The following MAML3 variants were observed in gnomAD, a reference collection of about 807,000 sequenced individuals.
The protein encoded by MAML3 is mastermind-like protein 3.
A neutral mutation model predicts 101.9 loss-of-function variants in MAML3; 27 were observed. The ratio of observed to expected loss-of-function variants is 0.27; its 90% CI spans 0.20 to 0.37. The LOEUF (loss-of-function observed/expected upper bound fraction) is 0.37. Among genes scored for constraint, MAML3 ranks in the 10% least tolerant of loss-of-function variants. MAML3 has a pLI of 1.00. For missense variants in MAML3, 1,316 were observed against 1,444.9 expected, an observed-to-expected ratio of 0.91 and a Z score of 1.45; for synonymous variants, 501 against 555.9, an observed-to-expected ratio of 0.90 and a Z score of 1.39.
intron 2 of MAML3, among the ~76,000 whole-genome samples, chr4:139,888,235 A>C (rs1273679268): frequency 6.6e-6 from 1 of 152,216 alleles, no homozygotes; most frequent in Non-Finnish European, 1.5e-5. Flanking sequence ...GTGAGGCAAG[A>C]TCTGCCTGCG....
intron 1 of MAML3, among the ~76,000 whole-genome samples, chr4:140,053,251 C>T (rs771944279): frequency 2.2e-4 from 33 of 152,118 alleles, no homozygotes; most frequent in Non-Finnish European, 4.1e-4. Flanking sequence ...TTCATGTCTT[C>T]ATGGCAGCAG....
intron 1 of MAML3, among the ~76,000 whole-genome samples, chr4:140,123,968 C>G (rs1028226161): frequency 6.6e-6 from 1 of 152,174 alleles, no homozygotes; most frequent in Non-Finnish European, 1.5e-5. Flanking sequence ...CAATGAACCC[C>G]AAAGCGACTA....
Position 140,092,815 on chromosome 4 carries a change from C to T in MAML3, c.468+60045G>A, listed in dbSNP as rs79080014. ...CAGCTCCAGAAGGGACCCAAAACTA[C>T]CTGACCACACTCCAGTTTTGTGCTG... is the stretch of plus-strand genomic sequence containing the variant. On this transcript the variant is annotated intron_variant, in intron 1 of 4. Coordinates refer to ENST00000509479, the MANE Select transcript of MAML3 (RefSeq NM_018717.5). Among the ~76,000 whole-genome samples the T allele has an allele frequency of 3.7e-3, 568 of 152,162 alleles. 4 individuals are homozygous for T. The highest frequency in any genetic ancestry group is 5.8e-3 in the Non-Finnish European group (395 of 68,016).
intron 2 of MAML3, among the ~76,000 whole-genome samples, chr4:139,758,912 G>C (rs1022872291): frequency 2.0e-5 from 3 of 152,288 alleles, no homozygotes; most frequent in African/African-American, 7.2e-5. Context: ...AGCTGGAAGG[G>C]ACCTCTGGGC....
intron 1 of MAML3, among the ~76,000 whole-genome samples, chr4:140,030,778 C>T (rs946105008): frequency 3.3e-5 from 5 of 152,300 alleles, no homozygotes; most frequent in South Asian, 2.1e-4. Context: ...GGCTACCTCC[C>T]GCCACTGGGC....
At chr4:139,835,616 T>C (rs536029448) in intron 2 of MAML3, among the ~76,000 whole-genome samples, 61 of 152,212 alleles carry the variant, frequency 4.0e-4, no homozygotes, top group African/African-American at 1.3e-3. Context: ...TAATTTGACT[T>C]CTCCAATTTA....
intron 1 of MAML3, among the ~76,000 whole-genome samples, chr4:140,083,098 G>A (rs1037036369): frequency 6.6e-6 from 1 of 152,184 alleles, no homozygotes; most frequent in African/African-American, 2.4e-5. Context: ...GGAGGGAAAA[G>A]GATAGAAATT....
intron 1 of MAML3, among the ~76,000 whole-genome samples, chr4:140,119,962 G>C (rs1411400293): frequency 2.0e-5 from 3 of 152,068 alleles, no homozygotes; most frequent in Admixed American, 2.0e-4. Context: ...CAAAGGCCGG[G>C]CGCGGTGGCT....
chr4:139,720,082 G>T lies in MAML3; in HGVS notation c.2658C>A (p.Asn886Lys), dbSNP rs1028379465. 12 of 1,614,088 alleles carry T rather than the reference G, an allele frequency of 7.4e-6. No individual in the cohort carries two copies. The highest frequency in any genetic ancestry group is 1.0e-5 in the Non-Finnish European group (12 of 1,179,916). The change falls in exon 5 of 5, where the codon AAC becomes AAA. Residue 886 changes from asparagine to lysine, a missense_variant. Asn to Lys is a moderately conservative substitution (Grantham distance 94). Transcript: ENST00000509479. ...TATGTGTGATGCTCATGCCACTTTGGTTTGGATGCTGCAACATTTGGGTCA... is the reference window on the plus strand; with the variant it reads ...TATGTGTGATGCTCATGCCACTTTGTTTTGGATGCTGCAACATTTGGGTCA... ...TGMTQMLQHP[N>K]QSGMSITHNQ...
At chr4:139,845,417 G>A (rs1202539115) in intron 2 of MAML3, among the ~76,000 whole-genome samples, 3 of 152,188 alleles carry the variant, frequency 2.0e-5, no homozygotes, top group African/African-American at 7.2e-5. Context: ...AGACACATAG[G>A]TAGAAATTGA....
chr4:139,762,198 G>A (rs1729772098), intron 2 of MAML3, among the ~76,000 whole-genome samples: 1 of 152,156 alleles, frequency 6.6e-6, no homozygotes, highest in African/African-American at 2.4e-5. Context: ...ATGAGTGCAG[G>A]GCCTTGTCCA....
intron 1 of MAML3, among the ~76,000 whole-genome samples, chr4:139,995,383 A>G (rs1734788362): frequency 6.6e-6 from 1 of 152,160 alleles, no homozygotes; most frequent in African/African-American, 2.4e-5. Context: ...CTAAGTTCAG[A>G]AGTGTTCCCT....
Position 139,730,580 on chromosome 4 carries a change from T to C in MAML3, c.2167A>G (p.Ser723Gly). ...CCCAGGAAGCCGGGGCCTGCGGGAC[T>C]GGCTCCTGAGACCATGCCACCTGAG... ...PGSGGMVSGA[S>G]PAGPGFLGSQ... Residue 723 changes from serine to glycine, a missense_variant, in exon 3 of 5, where the codon AGT (serine) becomes GGT (glycine). By Grantham distance (56) the Ser-to-Gly change is moderately conservative. Transcript: ENST00000509479. 1 of 1,607,362 alleles carries C rather than the reference T, an allele frequency of 6.2e-7. No individual in the cohort carries two copies. The highest frequency in any genetic ancestry group is 1.7e-5 in the Admixed American group (1 of 59,022).
intron 1 of MAML3, among the ~76,000 whole-genome samples, chr4:140,072,094 A>G (rs1727666641): frequency 1.3e-5 from 2 of 152,182 alleles, no homozygotes; most frequent in Admixed American, 1.3e-4. Flanking sequence ...CTCCCTCAAC[A>G]GTATTAAAAG....
intron 2 of MAML3, among the ~76,000 whole-genome samples, chr4:139,830,671 C>T (rs937189262): frequency 3.3e-5 from 5 of 152,050 alleles, no homozygotes; most frequent in Non-Finnish European, 5.9e-5. Flanking sequence ...GCCTCGGCCT[C>T]CCAAAGTGCT....
At chr4:139,747,642 C>G (rs751586058) in intron 2 of MAML3, among the ~76,000 whole-genome samples, 1 of 150,898 alleles carries the variant, frequency 6.6e-6, no homozygotes, top group Non-Finnish European at 1.5e-5. Context: ...TACAGTGAGC[C>G]GAGATAGTGC....
At chr4:140,009,670 A>T (rs747237292) in intron 1 of MAML3, among the ~76,000 whole-genome samples, 1 of 152,236 alleles carries the variant, frequency 6.6e-6, no homozygotes, top group East Asian at 1.9e-4. Flanking sequence ...GCATTGATTT[A>T]ATTCAACAAA....
chr4:139,988,347 A>G (rs1391847985), intron 1 of MAML3, among the ~76,000 whole-genome samples: 1 of 146,208 alleles, frequency 6.8e-6, no homozygotes, highest in Middle Eastern at 3.6e-3. Context: ...AAAAAAAAAA[A>G]AAAGAAACAG....
At chr4:140,145,229 G>T (rs113152402) in intron 1 of MAML3, among the ~76,000 whole-genome samples, 15 of 152,326 alleles carry the variant, frequency 9.8e-5, no homozygotes, top group African/African-American at 3.4e-4. Context: ...GTAAAACACT[G>T]TTAACAGTTG....
Sources: gnomAD v4.1 joint callset for allele counts (sites outside exome capture counted in the v4.1 genomes callset) on GRCh38, gnomAD v4.1.1 for gene constraint, MANE v1.5 for transcripts, NCBI Gene and HGNC (gene_info 2026-07-23, HGNC 2026-07-21) for gene names.